GSTA2: variants seen among roughly 807,000 people sequenced by gnomAD.
GSTA2 encodes glutathione S-transferase alpha 2, also known as glutathione S-transferase A2.
In GSTA2, 27 loss-of-function variants were observed where a neutral mutation model predicts 22.4. The observed-to-expected ratio is 1.21, with a 90% confidence interval of 0.89 to 1.67. The LOEUF (loss-of-function observed/expected upper bound fraction) is 1.67, where lower values mean the gene tolerates loss of function less well. GSTA2 is among the 40% of genes most tolerant of loss of function. The pLI, the probability that GSTA2 is intolerant of heterozygous loss-of-function variation, is 0.00. For synonymous variants in GSTA2, 121 were observed against 86.8 expected, an observed-to-expected ratio of 1.39 and a Z score of -2.19; for missense variants, 302 against 260.2, an observed-to-expected ratio of 1.16 and a Z score of -1.11.
At chr6:52,760,160 G>A (rs1486735721) in intron 1 of GSTA2, among the ~76,000 whole-genome samples, 1 of 152,190 alleles carries the variant, frequency 6.6e-6, no homozygotes, top group East Asian at 1.9e-4. Flanking sequence ...TGAAAGCGTA[G>A]GGTGTGCTTG....
intron 1 of GSTA2, 105 bp from the exon 2 acceptor site, chr6:52,758,082 T>C (rs1762882265): frequency 2.9e-6 from 2 of 680,924 alleles, no homozygotes; most frequent in South Asian, 3.9e-5. Context: ...AAGAAGAACC[T>C]GCCTTCTTCA....
Position 52,750,596 on chromosome 6 carries a change from CT to C in GSTA2, c.649del (p.Arg217GlyfsTer34). ...GGTTTATTAAAACCTGAAAATCTTC[CT>C]TGATTCTTCTAAAGATTTCTCATCC... ...PMDEKSLEES[R>X]KIFRF is the part of the protein sequence containing the mutation. On this transcript the variant is annotated frameshift_variant, in exon 7 of 7. Coordinates refer to ENST00000493422, the MANE Select transcript of GSTA2 (RefSeq NM_000846.5). LOFTEE classifies it high-confidence loss of function. 2 of 1,613,894 alleles carry C rather than the reference CT, an allele frequency of 1.2e-6. No individual in the cohort carries two copies. Among genetic ancestry groups the C allele is most frequent in the Non-Finnish European group, 1.7e-6 (2 of 1,179,850 alleles).
rs1393088933 is a variant in GSTA2, at chr6:52,755,014, C to G, written c.201G>C (p.Gln67His). 6 of 1,614,086 alleles carry G rather than the reference C, an allele frequency of 3.7e-6. No individual in the cohort carries two copies. The South Asian group carries it at 6.6e-5, about 18-fold the overall frequency. ...CAATGTAGTTGAGAATGGCTCTGGT[C>G]TGCACCAGCTTCATCCCATCAATCT... ...MVEIDGMKLV[Q>H]TRAILNYIAS... The change falls in exon 4 of 7, where the codon CAG becomes CAC. Residue 67 changes from glutamine to histidine, a missense_variant. Gln to His is a conservative substitution (Grantham distance 24, BLOSUM62 0). Transcript: ENST00000493422.
intron 1 of GSTA2, among the ~76,000 whole-genome samples, chr6:52,761,788 A>G (rs1262608046): frequency 6.7e-6 from 1 of 150,290 alleles, no homozygotes; most frequent in Non-Finnish European, 1.5e-5. Flanking sequence ...ATCTGCAGAG[A>G]GGGAGGGGGG....
At chr6:52,760,020 C>G (rs1762927382) in intron 1 of GSTA2, among the ~76,000 whole-genome samples, 3 of 152,172 alleles carry the variant, frequency 2.0e-5, no homozygotes, top group Non-Finnish European at 4.4e-5. Flanking sequence ...CATACTGAAT[C>G]AACTCACCTG....
intron 3 of GSTA2, 34 bp downstream of exon 3, chr6:52,756,224 A>G (rs768228849): frequency 2.7e-6 from 4 of 1,506,342 alleles, no homozygotes; most frequent in Non-Finnish European, 3.7e-6. Flanking sequence ...TCTACTAGAT[A>G]CCCTCATTAG....
intron 3 of GSTA2, among the ~76,000 whole-genome samples, 193 bp downstream of exon 3, chr6:52,756,065 C>T (rs1429123507): frequency 3.9e-5 from 6 of 152,126 alleles, no homozygotes; most frequent in African/African-American, 1.4e-4. Context: ...TCTGAGAGGT[C>T]TGGTCCTTTA....
rs70977382 is a variant in GSTA2, at chr6:52,759,563, G to GTTTTTTTTTTTTTTTTTTTTTTT, written c.-30-1609_-30-1587dup. 8.8e-5 allele frequency among the ~76,000 whole-genome samples: 3 copies of GTTTTTTTTTTTTTTTTTTTTTTT among 34,162 alleles called. 1 individual carries two copies. Among genetic ancestry groups the GTTTTTTTTTTTTTTTTTTTTTTT allele is most frequent in the African/African-American group, 1.7e-4 (2 of 11,534 alleles). The allele number at this position is 34,162 out of a possible 152,430, so 22.4% of individuals were successfully genotyped here. ...CCTTTAACAACTAATGTATTTATTTGTTTTTTTTTTTTTTTTTTTTTTTTT... is the reference window on the plus strand; with the variant it reads ...CCTTTAACAACTAATGTATTTATTTGTTTTTTTTTTTTTTTTTTTTTTTTTTTTTTTTTTTTTTTTTTTTTTTT... On this transcript the variant is annotated intron_variant, in intron 1 of 6. Transcript: ENST00000493422.
intron 1 of GSTA2, among the ~76,000 whole-genome samples, chr6:52,762,822 G>T (rs1762974255): frequency 6.6e-6 from 1 of 152,198 alleles, no homozygotes. Flanking sequence ...ATATCCTAGA[G>T]TGGGCAGGAC....
At chr6:52,750,779 A>G (rs1762722547) in intron 6 of GSTA2, 80 bp from the exon 7 acceptor site, 20 of 1,551,444 alleles carry the variant, frequency 1.3e-5, no homozygotes, top group Non-Finnish European at 1.7e-5. Context: ...AGGGAATCTG[A>G]GTCCCTCCTG....
chr6:52,751,403 CAA>C (rs1762733143), intron 6 of GSTA2, among the ~76,000 whole-genome samples, 172 bp downstream of exon 6: 1 of 152,106 alleles, frequency 6.6e-6, no homozygotes, highest in South Asian at 2.1e-4. Context: ...CTTTCCATAA[CAA>C]AAGTGTTTTC....
chr6:52,753,125 C>T (rs538448319), intron 4 of GSTA2, 130 bp from the exon 5 acceptor site: 3 of 792,054 alleles, frequency 3.8e-6, no homozygotes, highest in Non-Finnish European at 6.0e-6. Flanking sequence ...CTTTTATAGT[C>T]TAGTCATTAT....
chr6:52,758,835 G>A (rs1273932361), intron 1 of GSTA2, among the ~76,000 whole-genome samples: 1 of 152,200 alleles, frequency 6.6e-6, no homozygotes. Flanking sequence ...TTCAACATCA[G>A]TCACACACTG....
intron 3 of GSTA2, among the ~76,000 whole-genome samples, chr6:52,755,342 T>A (rs1186879475): frequency 6.6e-6 from 1 of 151,872 alleles, no homozygotes; most frequent in African/African-American, 2.4e-5. Flanking sequence ...AGCCTCTCTA[T>A]AGCTGAGATT....
In GSTA2 at chr6:52,751,676, A is replaced by T; in HGVS notation, c.447T>A (p.Val149=). ...VLKSHGQDYL[V]GNKLSRADIH... The stretch of plus-strand genomic sequence containing the variant: ...TGTCAGCCCGGCTCAGCTTGTTGCC[A>T]ACAAGGTAGTCTTGTCCGTGGCTCT... The change falls in exon 6 of 7, where the codon GTT becomes GTA. Residue 149 remains valine (V), a synonymous_variant. Transcript: ENST00000493422. 1 of 1,614,154 alleles carries T rather than the reference A, an allele frequency of 6.2e-7. No homozygotes were observed.
chr6:52,755,262 T>A (rs76741087), intron 3 of GSTA2, among the ~76,000 whole-genome samples, 187 bp from the exon 4 acceptor site: 1 of 148,832 alleles, frequency 6.7e-6, no homozygotes, highest in African/African-American at 2.5e-5. Flanking sequence ...TTGTCCAGGC[T>A]GGAGTGGAGT....
intron 1 of GSTA2, among the ~76,000 whole-genome samples, chr6:52,763,030 T>G (rs1439590894): frequency 1.3e-5 from 2 of 152,192 alleles, no homozygotes; most frequent in African/African-American, 2.4e-5. Flanking sequence ...TAATAAACCT[T>G]AGTTTTGAAT....
At chr6:52,754,099 C>A (rs116015846) in intron 4 of GSTA2, among the ~76,000 whole-genome samples, 1 of 152,138 alleles carries the variant, frequency 6.6e-6, no homozygotes, top group African/African-American at 2.4e-5. Context: ...ATGGCTAAGG[C>A]GCATTTTTCT....
At chr6:52,754,070 C>A (rs913308188) in intron 4 of GSTA2, among the ~76,000 whole-genome samples, 4 of 152,182 alleles carry the variant, frequency 2.6e-5, no homozygotes, top group African/African-American at 9.7e-5. Context: ...CTTTTCATGA[C>A]CAAATATCTT....
Sources: allele counts gnomAD v4.1 joint callset (sites outside exome capture counted in the v4.1 genomes callset), GRCh38; gene constraint gnomAD v4.1.1; transcripts MANE v1.5; gene names NCBI Gene and HGNC (gene_info 2026-07-23, HGNC 2026-07-21).